TNIK: variants seen among roughly 807,000 people sequenced by gnomAD.
TNIK encodes TRAF2 and NCK-interacting protein kinase.
TNIK carries 49 observed loss-of-function variants against 191.3 expected under a neutral mutation model. The observed-to-expected ratio is 0.26, with a 90% confidence interval of 0.20 to 0.32. The LOEUF is 0.32. Among genes scored for constraint, TNIK ranks in the 10% least tolerant of loss-of-function variants. TNIK has a pLI of 1.00. For synonymous variants in TNIK, 594 were observed against 600.9 expected (o/e 0.99, Z 0.17); for missense variants, 1,155 against 1,702.3 (o/e 0.68, Z 5.66).
intron 2 of TNIK, among the ~76,000 whole-genome samples, chr3:171,347,589 T>TA (rs925443534): frequency 2.0e-5 from 3 of 152,168 alleles, no homozygotes; most frequent in Non-Finnish European, 4.4e-5. Flanking sequence ...GCAAAGAACC[T>TA]AAATAAAGAT....
chr3:171,451,327 C>T (rs1350813953), intron 1 of TNIK, among the ~76,000 whole-genome samples: 3 of 152,238 alleles, frequency 2.0e-5, no homozygotes, highest in Non-Finnish European at 4.4e-5. Context: ...CAACATCCAG[C>T]ACCACATAAG....
At chr3:171,202,741 T>C (rs1739570058) in intron 4 of TNIK, among the ~76,000 whole-genome samples, 1 of 152,210 alleles carries the variant, frequency 6.6e-6, no homozygotes, top group Admixed American at 6.5e-5. Flanking sequence ...TAGCTTCAGA[T>C]CTGTGTTTGT....
intron 3 of TNIK, among the ~76,000 whole-genome samples, chr3:171,224,737 T>C (rs1404784255): frequency 1.3e-5 from 2 of 152,148 alleles, no homozygotes; most frequent in Admixed American, 1.3e-4. Flanking sequence ...CAGCTCCTCC[T>C]AGATGCCGTA....
At chr3:171,094,096 T>C (rs1428828090) in intron 22 of TNIK, 128 bp from the exon 23 acceptor site, 3 of 1,254,018 alleles carry the variant, frequency 2.4e-6, no homozygotes, top group East Asian at 5.6e-5. Flanking sequence ...ATTGTACCAA[T>C]TTTAAGTGTA....
At chr3:171,240,742 A>C (rs955631516) in intron 2 of TNIK, among the ~76,000 whole-genome samples, 29 of 152,158 alleles carry the variant, frequency 1.9e-4, no homozygotes, top group African/African-American at 7.0e-4. Flanking sequence ...TCTGGCTGCT[A>C]TATCTAAAAC....
Position 171,185,178 on chromosome 3 carries a change from CGTGT to C in TNIK, c.639+3520_639+3523del, listed in dbSNP as rs148499254. On this transcript the variant is annotated intron_variant, in intron 7 of 32. Transcript: ENST00000436636. ...TTTTCCAGGTTCTTTATAGATTTCC[CGTGT>C]GTGTGTGTGTGTGTGTGTGTGTGTG... Among the ~76,000 whole-genome samples, 837 of 145,946 alleles carry C rather than the reference CGTGT, an allele frequency of 5.7e-3. 6 individuals carry two copies. Among genetic ancestry groups the C allele is most frequent in the East Asian group, 0.014 (70 of 4,998 alleles).
At chr3:171,320,889 A>G (rs1311555964) in intron 2 of TNIK, among the ~76,000 whole-genome samples, 1 of 152,220 alleles carries the variant, frequency 6.6e-6, no homozygotes, top group Non-Finnish European at 1.5e-5. Flanking sequence ...TGGCTTGCCT[A>G]AACACAGGAC....
At chr3:171,425,868 T>A (rs1724495452) in intron 1 of TNIK, among the ~76,000 whole-genome samples, 1 of 149,832 alleles carries the variant, frequency 6.7e-6, no homozygotes, top group Non-Finnish European at 1.5e-5. Flanking sequence ...ACCATGCATG[T>A]AAAAATGCAT....
chr3:171,443,532 C>T lies in TNIK; in HGVS notation c.57+16475G>A, dbSNP rs139819929. ...TCCCATCTAGAGCAGTTAGTATTCC[C>T]GATTTAAAGGCTTGAACAGGGCCCA... On this transcript the variant is annotated intron_variant, in intron 1 of 32. Coordinates refer to ENST00000436636, the MANE Select transcript of TNIK (RefSeq NM_015028.4). Among the ~76,000 whole-genome samples the T allele has an allele frequency of 3.1e-3, 477 of 152,086 alleles. 4 individuals are homozygous for T. The highest frequency in any genetic ancestry group is 0.011 in the African/African-American group (461 of 41,502).
chr3:171,243,337 G>T (rs1488476428), intron 2 of TNIK, among the ~76,000 whole-genome samples: 3 of 152,090 alleles, frequency 2.0e-5, no homozygotes, highest in East Asian at 3.9e-4. Flanking sequence ...GGATTTCAGT[G>T]CCCTTTGATA....
intron 4 of TNIK, among the ~76,000 whole-genome samples, chr3:171,206,425 C>G (rs1740103793): frequency 6.6e-6 from 1 of 150,566 alleles, no homozygotes; most frequent in African/African-American, 2.4e-5. Context: ...TTCCCAGCAA[C>G]AACAGCCATC....
At position 171,063,101 on chromosome 3, in the gene TNIK, G is replaced by A. The variant is rs868169875; in HGVS notation, c.*780C>T. The A allele has an allele frequency of 2.0e-5, 3 of 152,142 alleles. No homozygotes were observed. The highest frequency in any genetic ancestry group is 4.1e-4 in the South Asian group (2 of 4,828). 9.4% of individuals were successfully genotyped at this position (152,142 alleles called of 1,614,324 possible). On this transcript the variant is annotated 3_prime_UTR_variant, in exon 33 of 33. Transcript: ENST00000436636. ...CGCTAGGCCAGCTCAACTCAATGGC[G>A]TTAGTATCCTGTTCAACACACTCCA...
At chr3:171,357,116 T>C (rs1298495361) in intron 2 of TNIK, among the ~76,000 whole-genome samples, 2 of 152,188 alleles carry the variant, frequency 1.3e-5, no homozygotes, top group African/African-American at 4.8e-5. Context: ...CCTATTCTCT[T>C]CTGTCATATT....
At chr3:171,076,124 T>C (rs1033261802) in intron 28 of TNIK, among the ~76,000 whole-genome samples, 11 of 151,978 alleles carry the variant, frequency 7.2e-5, no homozygotes, top group Non-Finnish European at 1.2e-4. Context: ...TTTTTTTTTT[T>C]CCTTTGTAAA....
At position 171,432,278 on chromosome 3, in the gene TNIK, G is replaced by T. The variant is rs927490735; in HGVS notation, c.57+27729C>A. Among the ~76,000 whole-genome samples the T allele has an allele frequency of 1.2e-4, 18 of 151,866 alleles. 1 individual carries two copies. Among genetic ancestry groups the T allele is most frequent in the Admixed American group, 1.2e-3 (18 of 15,254 alleles). ...ACAACCAGATGCAATTTCAAAAGAC[G>T]GATACAAAAATAAATAAGGAAAAGG... On this transcript the variant is annotated intron_variant, in intron 1 of 32. Transcript: ENST00000436636.
chr3:171,287,416 T>C (rs1353205803), intron 2 of TNIK, among the ~76,000 whole-genome samples: 2 of 152,226 alleles, frequency 1.3e-5, no homozygotes, highest in Admixed American at 1.3e-4. Context: ...AATAAGAACA[T>C]TTAAGAAGGT....
chr3:171,161,258 T>C lies in TNIK; in HGVS notation c.1016+12A>G. The C allele has an allele frequency of 6.2e-7, 1 of 1,611,372 alleles. No individual in the cohort carries two copies. Among genetic ancestry groups the C allele is most frequent in the Non-Finnish European group, 8.5e-7 (1 of 1,178,148 alleles). ...ATGTGAACATTAGAAGACTTGGCTT[T>C]TGCTCTCATACCTGGGCTCTCCTGA... On this transcript the variant is annotated intron_variant, in intron 11 of 32. Transcript: ENST00000436636.
chr3:171,414,260 A>G (rs1722773532), intron 1 of TNIK, among the ~76,000 whole-genome samples: 2 of 152,204 alleles, frequency 1.3e-5, no homozygotes, highest in African/African-American at 2.4e-5. Context: ...GGGAATGAAA[A>G]GTGATCATTC....
intron 9 of TNIK, among the ~76,000 whole-genome samples, chr3:171,170,752 C>A (rs573929246): frequency 5.3e-5 from 8 of 152,140 alleles, no homozygotes; most frequent in Non-Finnish European, 1.0e-4. Flanking sequence ...GACTTAGGAG[C>A]AGAAATCCCC....
Sources: allele counts gnomAD v4.1 joint callset (sites outside exome capture counted in the v4.1 genomes callset), GRCh38; gene constraint gnomAD v4.1.1; transcripts MANE v1.5; gene names NCBI Gene and HGNC (gene_info 2026-07-23, HGNC 2026-07-21).